The following HOGA1 variants were observed in gnomAD, a reference collection of about 807,000 sequenced individuals.
The protein encoded by HOGA1 is 4-hydroxy-2-oxoglutarate aldolase, mitochondrial.
HOGA1 carries 30 observed loss-of-function variants against 34.3 expected under a neutral mutation model. The ratio of observed to expected loss-of-function variants is 0.87; its 90% confidence interval spans 0.65 to 1.19. The LOEUF is 1.19. Ranked by LOEUF, HOGA1 falls within the 50% of genes most tolerant of loss-of-function variation. The pLI, the probability that HOGA1 is intolerant of heterozygous loss-of-function variation, is 0.00. For missense variants in HOGA1, 417 were observed against 436.5 expected (o/e 0.96, Z 0.40); for synonymous variants, 161 against 174.0 (o/e 0.93, Z 0.59).
rs2040955768 is a variant in HOGA1, at chr10:97,584,906, C to G, written c.203C>G (p.Pro68Arg). The change falls in exon 1 of 7, where the codon CCC (proline) becomes CGC (arginine). Residue 68 changes from proline to arginine, a missense_variant. Physicochemically the swap from Pro to Arg is moderately radical, Grantham distance 103 (BLOSUM62 -2). Transcript: ENST00000370646. ...AATCTGCACAAACTGGGCACCTTCC[C>G]CTTCCGAGGTAAGTGGGGCTGTCCT... The part of the protein sequence containing the change: ...EENLHKLGTF[P>R]FRGFVVQGSN... 3 of 1,614,006 alleles carry G rather than the reference C, an allele frequency of 1.9e-6. No individual in the cohort carries two copies. Among genetic ancestry groups the G allele is most frequent in the Non-Finnish European group, 2.5e-6 (3 of 1,179,962 alleles).
intron 1 of HOGA1, among the ~76,000 whole-genome samples, chr10:97,598,181 G>A (rs1328063107): frequency 6.6e-6 from 1 of 152,164 alleles, no homozygotes; most frequent in Non-Finnish European, 1.5e-5. Flanking sequence ...GGTAGAGACA[G>A]GCAGCCATGC....
chr10:97,597,403 A>G (rs1473260228), intron 1 of HOGA1, among the ~76,000 whole-genome samples: 3 of 150,322 alleles, frequency 2.0e-5, no homozygotes, highest in Admixed American at 6.6e-5. Context: ...TTTTTTCTTT[A>G]ATGGAGTGGG....
intron 6 of HOGA1, among the ~76,000 whole-genome samples, chr10:97,604,918 T>C (rs1171490474): frequency 6.6e-6 from 1 of 151,814 alleles, no homozygotes; most frequent in East Asian, 1.9e-4. Flanking sequence ...CAGGTGGAGG[T>C]TGCAGCGAGC....
Position 97,599,131 on chromosome 10 carries a change from T to A in HOGA1, c.383T>A (p.Val128Asp). 6.2e-7 allele frequency: 1 copy of A among 1,613,718 alleles called. No individual in the cohort carries two copies. The highest frequency in any genetic ancestry group is 8.5e-7 in the Non-Finnish European group (1 of 1,180,008). Reference sequence around the variant, plus strand: ...GAGATGACCGTCAGCATGGCCCAGGTCGGGGCTGACGCGGCCATGGTGGTG... The same window carrying A: ...GAGATGACCGTCAGCATGGCCCAGGACGGGGCTGACGCGGCCATGGTGGTG... ...TVEMTVSMAQ[V>D]GADAAMVVTP... The change falls in exon 3 of 7, where the codon GTC becomes GAC. Residue 128 changes from valine to aspartate, a missense_variant. Transcript: ENST00000370646.
At chr10:97,610,130 A>G (rs542797421) in intron 6 of HOGA1, among the ~76,000 whole-genome samples, 1 of 152,224 alleles carries the variant, frequency 6.6e-6, no homozygotes, top group Non-Finnish European at 1.5e-5. Flanking sequence ...AAAAGCAAGG[A>G]AATTTGATGC....
intron 1 of HOGA1, among the ~76,000 whole-genome samples, chr10:97,596,221 G>A (rs1435803681): frequency 6.6e-6 from 1 of 152,158 alleles, no homozygotes; most frequent in Non-Finnish European, 1.5e-5. Context: ...AGAGAGGGCT[G>A]TGTCATAGAA....
At position 97,598,825 on chromosome 10, in the gene HOGA1, G is replaced by A; in HGVS notation, c.262G>A (p.Glu88Lys). 2 of 1,614,188 alleles carry A rather than the reference G, an allele frequency of 1.2e-6. No homozygotes were observed. The highest frequency in any genetic ancestry group is 8.5e-7 in the Non-Finnish European group (1 of 1,180,038). ...CGAGTTTCCTTTCCTGACCAGCAGTGAGCGCCTCGAGGTGGTGAGCCGTGT... is the reference window on the plus strand; with the variant it reads ...CGAGTTTCCTTTCCTGACCAGCAGTAAGCGCCTCGAGGTGGTGAGCCGTGT... ...NGEFPFLTSS[E>K]RLEVVSRVRQ... The change falls in exon 2 of 7, where the codon GAG (glutamate) becomes AAG (lysine). Residue 88 changes from glutamate (E) to lysine (K), a missense_variant. Transcript: ENST00000370646.
At position 97,584,767 on chromosome 10, in the gene HOGA1, G is replaced by A. The variant is rs1425518232; in HGVS notation, c.64G>A (p.Val22Met). 2 of 1,613,638 alleles carry A rather than the reference G, an allele frequency of 1.2e-6. No individual in the cohort carries two copies. Among genetic ancestry groups the A allele is most frequent in the South Asian group, 2.2e-5 (2 of 90,976 alleles). The change falls in exon 1 of 7, where the codon GTG (valine) becomes ATG (methionine). Residue 22 changes from valine (V) to methionine (M), a missense_variant. By Grantham distance (21) the Val-to-Met change is conservative. Coordinates refer to ENST00000370646, the MANE Select transcript of HOGA1 (RefSeq NM_138413.4). ...GCTAAGCAGGAGCTTGTCCAGGAATGTGGGGGTCTGGGCCTCAGGGGAGGG... is the reference window on the plus strand; with the variant it reads ...GCTAAGCAGGAGCTTGTCCAGGAATATGGGGGTCTGGGCCTCAGGGGAGGG... ...QGLSRSLSRNVGVWASGEGKK... is the reference protein window; with the variant it reads ...QGLSRSLSRNMGVWASGEGKK...
intron 6 of HOGA1, chr10:97,602,300 C>T (rs751495609): frequency 1.3e-4 from 167 of 1,310,606 alleles, no homozygotes; most frequent in Non-Finnish European, 1.6e-4. Flanking sequence ...ACAGAGTAAC[C>T]CTAGGACCAC....
At position 97,589,804 on chromosome 10, in the gene HOGA1, G is replaced by A. The variant is rs1187486741; in HGVS notation, c.211+4890G>A. ...GCGTGCTCTTAGCTCTGCCTGCCTGGTGTAGGGTCCTGGAGACCTTCTTGG... is the reference window on the plus strand; with the variant it reads ...GCGTGCTCTTAGCTCTGCCTGCCTGATGTAGGGTCCTGGAGACCTTCTTGG... On this transcript the variant is annotated intron_variant, in intron 1 of 6. Transcript: ENST00000370646. 1.3e-5 allele frequency: 12 copies of A among 914,864 alleles called. No individual in the cohort carries two copies. In the Admixed American group the frequency reaches 1.5e-4, roughly 11 times the overall value. The allele number at this position is 914,864 out of a possible 1,614,324, so 56.7% of individuals were successfully genotyped here.
At chr10:97,593,358 T>G (rs2041043541) in intron 1 of HOGA1, among the ~76,000 whole-genome samples, 2 of 152,162 alleles carry the variant, frequency 1.3e-5, no homozygotes, top group South Asian at 4.1e-4. Flanking sequence ...GCACCTGTAA[T>G]CTCAGCTACT....
At chr10:97,586,190 G>A (rs2040970151) in intron 1 of HOGA1, among the ~76,000 whole-genome samples, 2 of 151,894 alleles carry the variant, frequency 1.3e-5, no homozygotes, top group South Asian at 4.2e-4. Flanking sequence ...AGTGTGGGAT[G>A]ATTGCTGTCC....
chr10:97,585,321 A>C (rs1276497186), intron 1 of HOGA1, among the ~76,000 whole-genome samples: 1 of 152,110 alleles, frequency 6.6e-6, no homozygotes, highest in African/African-American at 2.4e-5. Context: ...TTGTTTGTAC[A>C]TTCTCTTCTG....
In HOGA1 at chr10:97,602,299, C is replaced by T. The variant is rs568296989; in HGVS notation, c.834+309C>T. The T allele has an allele frequency of 1.3e-3, 1,685 of 1,314,378 alleles. 31 individuals carry two copies. The South Asian group carries it at 0.023, about 18-fold the overall frequency. The allele number at this position is 1,314,378 out of a possible 1,614,324, so 81.4% of individuals were successfully genotyped here. A position where few individuals can be genotyped will look rare whatever the true frequency, so the allele number is the denominator to read the frequency against. On this transcript the variant is annotated intron_variant, in intron 6 of 6. Coordinates refer to ENST00000370646, the MANE Select transcript of HOGA1 (RefSeq NM_138413.4). ...ATCCTGTGTGATTGTGACAGAGTAA[C>T]CCTAGGACCACACTTAGAGATGCCT... is the stretch of plus-strand genomic sequence containing the variant.
rs2041134255 is a variant in HOGA1, at chr10:97,603,358, C to T, written c.834+1368C>T. On this transcript the variant is annotated intron_variant, in intron 6 of 6. Transcript: ENST00000370646. The surrounding 1 kb of genome is among the most constrained non-coding windows in gnomAD (Gnocchi z 4.5). ...TGGTGTGATGACAGCTCACTGCAAC[C>T]TCAATGTCCTGGGCTTAAGCAATCT... Among the ~76,000 whole-genome samples the T allele has an allele frequency of 6.6e-6, 1 of 151,922 alleles. No homozygotes were observed. Among genetic ancestry groups the T allele is most frequent in the East Asian group, 1.9e-4 (1 of 5,188 alleles).
rs1380679122 is a variant in HOGA1, at chr10:97,611,989, C to T, written c.*330C>T. ...AAGTCAGAAAGGAAGGGCAGAGGGG[C>T]AAGTAGGCACAGTAAGGGAATTTTC... On this transcript the variant is annotated 3_prime_UTR_variant, in exon 7 of 7. Coordinates refer to ENST00000370646, the MANE Select transcript of HOGA1 (RefSeq NM_138413.4). 3.4e-6 allele frequency: 1 copy of T among 289,986 alleles called. No individual in the cohort carries two copies. Among genetic ancestry groups the T allele is most frequent in the Non-Finnish European group, 6.5e-6 (1 of 154,024 alleles). The allele number at this position is 289,986 out of a possible 1,614,324, so 18.0% of individuals were successfully genotyped here.
At chr10:97,590,183 A>G in intron 1 of HOGA1, 1 of 1,614,076 alleles carries the variant, frequency 6.2e-7, no homozygotes, top group South Asian at 1.1e-5. Context: ...ATCCTTCACC[A>G]GCAGGCAGAA....
At chr10:97,608,803 CA>C (rs5787247) in intron 6 of HOGA1, among the ~76,000 whole-genome samples, 5 of 148,912 alleles carry the variant, frequency 3.4e-5, no homozygotes, top group Admixed American at 6.7e-5. Flanking sequence ...GGGACTGTTT[CA>C]AAAAAAAAAA....
In HOGA1 at chr10:97,595,362, C is replaced by T. The variant is rs184099085; in HGVS notation, c.212-3413C>T. 3.3e-5 allele frequency among the ~76,000 whole-genome samples: 5 copies of T among 152,288 alleles called. No homozygotes were observed. The East Asian group carries it at 7.7e-4, about 23-fold the overall frequency. ...CACTTATTGAGCACCAGGTTCTATT[C>T]GAAGTACTTTATAAATAGTATCTCA... On this transcript the variant is annotated intron_variant, in intron 1 of 6. Coordinates refer to ENST00000370646, the MANE Select transcript of HOGA1 (RefSeq NM_138413.4).
Sources: allele counts gnomAD v4.1 joint callset (sites outside exome capture counted in the v4.1 genomes callset), GRCh38; gene constraint gnomAD v4.1.1; non-coding constraint Gnocchi (gnomAD v3.1); transcripts MANE v1.5; gene names NCBI Gene and HGNC (gene_info 2026-07-23, HGNC 2026-07-21).